GALNT13: variants seen among roughly 807,000 people sequenced by gnomAD.
GALNT13 encodes the protein polypeptide N-acetylgalactosaminyltransferase 13, also known as UDP-GalNAc:polypeptide N-acetylgalactosaminyltransferase 13.
A neutral mutation model predicts 64.2 loss-of-function variants in GALNT13; 28 were observed. The observed-to-expected ratio is 0.44, with a 90% confidence interval of 0.32 to 0.60. GALNT13 has a LOEUF of 0.60. GALNT13 is among the 20% of genes least tolerant of loss of function. GALNT13 has a pLI of 0.05. For missense variants in GALNT13, 577 were observed against 669.8 expected, an observed-to-expected ratio of 0.86 and a Z score of 1.53; for synonymous variants, 214 against 224.6, an observed-to-expected ratio of 0.95 and a Z score of 0.42.
the GALNT13 span, among the ~76,000 whole-genome samples, chr2:153,587,940 C>A: frequency 6.6e-6 from 1 of 152,168 alleles, no homozygotes; most frequent in Non-Finnish European, 1.5e-5. Flanking sequence ...TACAGCCATT[C>A]CAAATGGGAG....
downstream of GALNT13, among the ~76,000 whole-genome samples, chr2:154,454,974 T>C (rs756039622): frequency 2.0e-5 from 3 of 152,172 alleles, no homozygotes; most frequent in Non-Finnish European, 4.4e-5. Flanking sequence ...TTCTATGTTA[T>C]GGAGCTTCAA....
the GALNT13 span, among the ~76,000 whole-genome samples, chr2:153,667,769 C>T: frequency 6.6e-6 from 1 of 152,166 alleles, no homozygotes; most frequent in Non-Finnish European, 1.5e-5. Context: ...CAAATCGGCA[C>T]ATATCAAAGC....
At chr2:153,670,358 C>T in the GALNT13 span, among the ~76,000 whole-genome samples, 1 of 152,182 alleles carries the variant, frequency 6.6e-6, no homozygotes, top group Non-Finnish European at 1.5e-5. Flanking sequence ...AAGGGTCAGA[C>T]AGCAATATTA....
intron 12 of GALNT13, among the ~76,000 whole-genome samples, chr2:154,439,380 G>T (rs978559973): frequency 6.6e-6 from 1 of 152,116 alleles, no homozygotes; most frequent in Admixed American, 6.5e-5. Context: ...ATTTTCCTTT[G>T]CATAACGAAG....
At chr2:154,127,594 A>G (rs1283325471) in intron 3 of GALNT13, among the ~76,000 whole-genome samples, 1 of 151,674 alleles carries the variant, frequency 6.6e-6, no homozygotes, top group Non-Finnish European at 1.5e-5. Flanking sequence ...AGGAGAGTCA[A>G]TAAAGATATT....
chr2:154,214,691 A>G (rs1374159997), intron 4 of GALNT13, among the ~76,000 whole-genome samples: 1 of 152,136 alleles, frequency 6.6e-6, no homozygotes, highest in Non-Finnish European at 1.5e-5. Flanking sequence ...GAAGAAGGAC[A>G]TGTTTGCTTC....
chr2:153,230,148 C>T, the GALNT13 span, among the ~76,000 whole-genome samples: 3 of 152,154 alleles, frequency 2.0e-5, no homozygotes, highest in Non-Finnish European at 2.9e-5. Flanking sequence ...AATTGTCTGG[C>T]CTGCTCATTT....
the GALNT13 span, among the ~76,000 whole-genome samples, chr2:153,257,367 A>G: frequency 2.0e-5 from 3 of 151,888 alleles, no homozygotes; most frequent in Non-Finnish European, 4.4e-5. Flanking sequence ...CTCCCTAGTG[A>G]GATGAACCCG....
the GALNT13 span, among the ~76,000 whole-genome samples, chr2:153,193,287 A>T: frequency 3.3e-5 from 5 of 151,942 alleles, no homozygotes; most frequent in East Asian, 9.7e-4. Flanking sequence ...TGATGAGTTC[A>T]TGTCCTTTGT....
chr2:153,081,016 A>G, the GALNT13 span, among the ~76,000 whole-genome samples: 1 of 152,028 alleles, frequency 6.6e-6, no homozygotes, highest in Admixed American at 6.5e-5. Flanking sequence ...TTAAAATTAT[A>G]TAAATTTTAG....
intron 4 of GALNT13, among the ~76,000 whole-genome samples, chr2:154,189,676 T>C (rs543349545): frequency 5.3e-4 from 79 of 150,336 alleles, no homozygotes; most frequent in Admixed American, 7.3e-4. Flanking sequence ...GAGGTTTACA[T>C]AGAAAAAAAA....
the GALNT13 span, among the ~76,000 whole-genome samples, chr2:153,416,139 AT>A: frequency 2.0e-5 from 3 of 152,134 alleles, no homozygotes; most frequent in African/African-American, 4.8e-5. Context: ...ATAATCATTT[AT>A]TTTTTTATTC....
intron 4 of GALNT13, among the ~76,000 whole-genome samples, chr2:154,167,699 T>C (rs1039671128): frequency 1.3e-5 from 2 of 152,104 alleles, no homozygotes; most frequent in Non-Finnish European, 2.9e-5. Context: ...AAGGCATCCA[T>C]GTGTGACCAC....
At chr2:153,881,201 G>C (rs188821184) in intron 1 of GALNT13, among the ~76,000 whole-genome samples, 270 of 152,242 alleles carry the variant, frequency 1.8e-3, no homozygotes, top group African/African-American at 5.8e-3. Context: ...TATTTGAGGG[G>C]ATGCCAATTT....
chr2:153,692,049 A>G, the GALNT13 span, among the ~76,000 whole-genome samples: 2 of 152,214 alleles, frequency 1.3e-5, no homozygotes, highest in Non-Finnish European at 2.9e-5. Context: ...CCACATGTGT[A>G]TGGAAATGAA....
chr2:153,470,002 G>GA, the GALNT13 span, among the ~76,000 whole-genome samples: 6 of 151,900 alleles, frequency 3.9e-5, no homozygotes, highest in Non-Finnish European at 8.8e-5. Flanking sequence ...AGAGAACCTT[G>GA]AAAAAAATTA....
At chr2:153,738,496 TTCTC>T in the GALNT13 span, among the ~76,000 whole-genome samples, 3 of 152,132 alleles carry the variant, frequency 2.0e-5, no homozygotes, top group East Asian at 1.9e-4. Flanking sequence ...TCTTCCTACT[TTCTC>T]TGTCTGTGCC....
At chr2:153,734,037 C>T in the GALNT13 span, among the ~76,000 whole-genome samples, 2 of 152,000 alleles carry the variant, frequency 1.3e-5, no homozygotes, top group African/African-American at 2.4e-5. Flanking sequence ...AGTTCAGGAC[C>T]GTGTTGGTGT....
intron 3 of GALNT13, among the ~76,000 whole-genome samples, chr2:154,086,915 T>G (rs1052595091): frequency 1.3e-4 from 20 of 152,100 alleles, no homozygotes; most frequent in African/African-American, 4.8e-4. Context: ...TGTGATGAAA[T>G]ACTTGAAATT....
Sources: allele counts gnomAD v4.1 joint callset (sites outside exome capture counted in the v4.1 genomes callset), GRCh38; gene constraint gnomAD v4.1.1; transcripts MANE v1.5; gene names NCBI Gene and HGNC (gene_info 2026-07-23, HGNC 2026-07-21).